NR2C1: variants seen among roughly 807,000 people sequenced by gnomAD.
The protein encoded by NR2C1 is nuclear receptor subfamily 2 group C member 1.
Under a neutral mutation model 74.8 loss-of-function variants are expected in NR2C1, and 33 were observed. The observed-to-expected ratio is 0.44, with a 90% CI of 0.33 to 0.59. The LOEUF (loss-of-function observed/expected upper bound fraction) is 0.59, where lower values mean the gene tolerates loss of function less well. NR2C1 is among the 20% of genes least tolerant of loss of function. The probability of loss-of-function intolerance (pLI) is 0.02; values close to 1 mark genes in which losing one functional copy is unlikely to be tolerated. For synonymous variants in NR2C1, 225 were observed against 240.6 expected (o/e 0.94, Z 0.60); for missense variants, 568 against 715.6 (o/e 0.79, Z 2.35).
At chr12:95,023,908 A>G (rs1434822010) in intron 13 of NR2C1, among the ~76,000 whole-genome samples, 1 of 152,216 alleles carries the variant, frequency 6.6e-6, no homozygotes, top group Non-Finnish European at 1.5e-5. Flanking sequence ...CACCTTTTCA[A>G]AAAGACTGTG....
rs1877039542 is a variant in NR2C1 at position 95,073,360 on chromosome 12, C to T, written c.-8+20G>A. ...CCGCCCCCGACGCGGTCGCTGGTGT[C>T]CCCACCCAGCGTTTCTTACCGGCGC... On this transcript the variant is annotated intron_variant, in intron 1 of 13. Coordinates refer to ENST00000333003, the MANE Select transcript of NR2C1 (RefSeq NM_003297.4). 1 of 152,272 alleles carries T rather than the reference C, an allele frequency of 6.6e-6. No homozygotes were observed. The highest frequency in any genetic ancestry group is 2.4e-5 in the African/African-American group (1 of 41,468). 9.4% of individuals were successfully genotyped at this position (152,272 alleles called of 1,614,324 possible).
chr12:95,050,648 G>C (rs1224754962), intron 8 of NR2C1, among the ~76,000 whole-genome samples: 1 of 151,098 alleles, frequency 6.6e-6, no homozygotes, highest in African/African-American at 2.4e-5. Context: ...TTTTCCTTTA[G>C]AGATGGGGTC....
chr12:95,060,509 G>C (rs1874632060), intron 3 of NR2C1, among the ~76,000 whole-genome samples: 1 of 152,148 alleles, frequency 6.6e-6, no homozygotes, highest in Non-Finnish European at 1.5e-5. Context: ...CAAAAAATTA[G>C]CTGGGTGTGG....
At chr12:95,049,642 A>G (rs1056928605) in intron 8 of NR2C1, 2 of 153,774 alleles carry the variant, frequency 1.3e-5, no homozygotes, top group East Asian at 1.9e-4. Context: ...TAAGAACATT[A>G]TATGTATGAT....
chr12:95,031,521 A>AT (rs1662699201), intron 10 of NR2C1, 33 bp from the exon 11 acceptor site: 1 of 1,516,704 alleles, frequency 6.6e-7, no homozygotes, highest in Non-Finnish European at 8.8e-7. Flanking sequence ...CACAAATCAG[A>AT]TATTATTAAA....
chr12:95,042,253 GCT>G (rs1409765909), intron 9 of NR2C1, among the ~76,000 whole-genome samples: 1 of 137,962 alleles, frequency 7.2e-6, no homozygotes, highest in Non-Finnish European at 1.5e-5. Context: ...ATGGGGTCTC[GCT>G]CTGTCACCCA....
intron 2 of NR2C1, among the ~76,000 whole-genome samples, chr12:95,066,108 G>A (rs1237008384): frequency 2.0e-5 from 3 of 152,098 alleles, no homozygotes; most frequent in African/African-American, 7.2e-5. Context: ...GCAGAGAGTG[G>A]CTTTGTTTTA....
At chr12:95,058,076 CTCTCATTCT>C (rs1874187896) in intron 5 of NR2C1, 198 bp from the exon 6 acceptor site, 20 of 658,222 alleles carry the variant, frequency 3.0e-5, no homozygotes, top group Non-Finnish European at 4.7e-5. Flanking sequence ...CAATTTGCAT[CTCTCATTCT>C]TTTTGCCAAA....
intron 9 of NR2C1, among the ~76,000 whole-genome samples, chr12:95,048,123 G>A (rs181588583): frequency 1.0e-3 from 152 of 152,128 alleles, no homozygotes; most frequent in Admixed American, 2.3e-3. Context: ...ATGAGGTCTC[G>A]GCATGTTGCC....
chr12:95,057,531 C>T (rs1409882558), intron 7 of NR2C1, 22 bp downstream of exon 7: 1 of 1,525,128 alleles, frequency 6.6e-7, no homozygotes, highest in East Asian at 2.3e-5. Context: ...ATTATCTAAG[C>T]TTTAAATTGT....
chr12:95,056,573 T>C (rs1206320335), intron 7 of NR2C1, among the ~76,000 whole-genome samples: 1 of 152,192 alleles, frequency 6.6e-6, no homozygotes, highest in Non-Finnish European at 1.5e-5. Context: ...AAGAATTTCC[T>C]TTTACCTGAA....
At chr12:95,056,564 A>G (rs1020984758) in intron 7 of NR2C1, among the ~76,000 whole-genome samples, 7 of 152,238 alleles carry the variant, frequency 4.6e-5, no homozygotes, top group African/African-American at 1.7e-4. Flanking sequence ...AGGTGAGCTA[A>G]GAATTTCCTT....
intron 1 of NR2C1, among the ~76,000 whole-genome samples, chr12:95,069,029 A>T (rs1456709157): frequency 2.0e-5 from 3 of 152,176 alleles, no homozygotes; most frequent in Admixed American, 6.5e-5. Context: ...AATGGATCCA[A>T]TAAGTACCTC....
In NR2C1 at chr12:95,067,278, T is replaced by C. The variant is rs535399026; in HGVS notation, c.54+53A>G. The C allele has an allele frequency of 7.2e-5, 100 of 1,394,626 alleles. No individual in the cohort carries two copies. The South Asian group carries it at 1.1e-3, about 15-fold the overall frequency. The allele number at this position is 1,394,626 out of a possible 1,614,324, so 86.4% of individuals were successfully genotyped here. A position where few individuals can be genotyped will look rare whatever the true frequency, so the allele number is the denominator to read the frequency against. ...TCCAGAACCTGGTATATGCATTTAG[T>C]AGGAATTAGAAAAGTTTGGTGGGCC... On this transcript the variant is annotated intron_variant, in intron 2 of 13. Transcript: ENST00000333003.
chr12:95,067,920 A>C, intron 1 of NR2C1, among the ~76,000 whole-genome samples: 1 of 117,502 alleles, frequency 8.5e-6, no homozygotes, highest in Non-Finnish European at 1.6e-5. Context: ...TTGCTCTGTC[A>C]CCCAGGTTGG....
At chr12:95,032,457 CA>C (rs905079010) in intron 10 of NR2C1, among the ~76,000 whole-genome samples, 45 of 90,602 alleles carry the variant, frequency 5.0e-4, no homozygotes, top group African/African-American at 4.5e-4. Context: ...GACTCCGTCT[CA>C]AAAAAAAAAA....
intron 10 of NR2C1, among the ~76,000 whole-genome samples, chr12:95,036,725 G>C (rs1331575392): frequency 2.6e-5 from 4 of 152,016 alleles, no homozygotes; most frequent in Non-Finnish European, 4.4e-5. Flanking sequence ...TGCCCAGGCT[G>C]GTCTTGAACT....
chr12:95,029,086 T>C (rs1366234506), intron 11 of NR2C1, among the ~76,000 whole-genome samples: 1 of 152,196 alleles, frequency 6.6e-6, no homozygotes, highest in Non-Finnish European at 1.5e-5. Context: ...GAAAGGTTTA[T>C]ATTTATTTTT....
At chr12:95,046,035 T>TC (rs906357370) in intron 9 of NR2C1, among the ~76,000 whole-genome samples, 1 of 152,092 alleles carries the variant, frequency 6.6e-6, no homozygotes, top group African/African-American at 2.4e-5. Flanking sequence ...ACACGGGATT[T>TC]CGTCATGTTG....
Sources: gnomAD v4.1 joint callset for allele counts (sites outside exome capture counted in the v4.1 genomes callset) on GRCh38, gnomAD v4.1.1 for gene constraint, MANE v1.5 for transcripts, NCBI Gene and HGNC (gene_info 2026-07-23, HGNC 2026-07-21) for gene names.